OIT3: variants seen among roughly 807,000 people sequenced by gnomAD.
OIT3 encodes the protein oncoprotein induced transcript 3.
OIT3 carries 41 observed loss-of-function variants against 52.2 expected under a neutral mutation model. That is an observed-to-expected ratio of 0.79 (90% CI 0.61 to 1.02). OIT3 has a LOEUF of 1.02. Among genes scored for constraint, OIT3 ranks in the 50% least tolerant of loss-of-function variants. OIT3 has a pLI of 0.00. For missense variants in OIT3, 634 were observed against 715.5 expected (o/e 0.89, Z 1.30); for synonymous variants, 244 against 276.9 (o/e 0.88, Z 1.18).
rs911010551 is a variant in OIT3, at chr10:72,914,867, C to CT, written c.951+1411dup. On this transcript the variant is annotated intron_variant, in intron 6 of 8. Coordinates refer to ENST00000334011, the MANE Select transcript of OIT3 (RefSeq NM_152635.3). ...TGCCCAAGAAGTAGTGTGTAAAACTCTTTTTTTTTTTTAAATTTTGAGATG... is the reference window on the plus strand; with the variant it reads ...TGCCCAAGAAGTAGTGTGTAAAACTCTTTTTTTTTTTTTAAATTTTGAGATG... Among the ~76,000 whole-genome samples the CT allele has an allele frequency of 2.8e-3, 417 of 146,542 alleles. 2 individuals are homozygous for CT. Among genetic ancestry groups the CT allele is most frequent in the East Asian group, 2.4e-3 (12 of 5,064 alleles).
rs766622241 is a variant in OIT3, at chr10:72,932,375, G to A, written c.1489G>A (p.Val497Ile). ...DHKEVFLHCR[V>I]LVCGVLDERS... Reference sequence around the variant, plus strand: ...TCAGGAAGTGTTTCTGCACTGCCGGGTTCTTGTCTGTGGAGTGTTGGACGA... The same window carrying A: ...TCAGGAAGTGTTTCTGCACTGCCGGATTCTTGTCTGTGGAGTGTTGGACGA... Residue 497 changes from valine to isoleucine, a missense_variant, in exon 9 of 9, where the codon GTT becomes ATT. Transcript: ENST00000334011. The A allele has an allele frequency of 6.2e-7, 1 of 1,614,238 alleles. No homozygotes were observed. Among genetic ancestry groups the A allele is most frequent in the Admixed American group, 1.7e-5 (1 of 60,030 alleles).
At chr10:72,917,717 G>T in intron 6 of OIT3, 1 of 1,032,728 alleles carries the variant, frequency 9.7e-7, no homozygotes, top group Non-Finnish European at 1.5e-6. Flanking sequence ...CATAACTGAT[G>T]AACTTGGCTG....
intron 6 of OIT3, among the ~76,000 whole-genome samples, chr10:72,919,878 A>G (rs183508641): frequency 9.8e-5 from 15 of 152,300 alleles, no homozygotes; most frequent in Admixed American, 7.2e-4. Flanking sequence ...TTTTGCATCA[A>G]TGTTCATCAA....
intron 2 of OIT3, 82 bp from the exon 3 acceptor site, chr10:72,900,294 AC>A (rs1271966429): frequency 3.8e-5 from 16 of 420,998 alleles, no homozygotes; most frequent in Admixed American, 6.6e-5. Context: ...ACCCCCCCCG[AC>A]CCCCCGCACC....
At chr10:72,918,294 A>G in intron 6 of OIT3, 1 of 776,390 alleles carries the variant, frequency 1.3e-6, no homozygotes, top group Non-Finnish European at 2.3e-6. Context: ...CTATACAGAC[A>G]TTTTCAAAGT....
chr10:72,917,996 A>G, intron 6 of OIT3: 1 of 807,110 alleles, frequency 1.2e-6, no homozygotes, highest in Admixed American at 1.7e-5. Context: ...TATCATCATT[A>G]TCTTCATCAT....
intron 3 of OIT3, among the ~76,000 whole-genome samples, chr10:72,906,257 G>A (rs1463530015): frequency 6.6e-6 from 1 of 152,116 alleles, no homozygotes; most frequent in Non-Finnish European, 1.5e-5. Context: ...TATTTATTTA[G>A]CAACTTCTCA....
intron 5 of OIT3, among the ~76,000 whole-genome samples, 189 bp downstream of exon 5, chr10:72,912,028 C>T (rs150860643): frequency 1.2e-3 from 190 of 152,208 alleles, no homozygotes; most frequent in Middle Eastern, 3.4e-3. Context: ...GAAAAGATTA[C>T]CAAAAACTTA....
intron 3 of OIT3, among the ~76,000 whole-genome samples, chr10:72,905,627 G>T (rs1043351386): frequency 3.3e-5 from 5 of 152,154 alleles, no homozygotes; most frequent in African/African-American, 4.8e-5. Flanking sequence ...CAATTTCTCA[G>T]CTTCAAGTTT....
chr10:72,927,578 G>C (rs551422680), intron 7 of OIT3, among the ~76,000 whole-genome samples: 22 of 152,178 alleles, frequency 1.4e-4, no homozygotes, highest in Non-Finnish European at 2.9e-4. Context: ...CAGCAGTGTG[G>C]CCCTACTTTG....
rs1396907136 is a variant in OIT3, at chr10:72,911,738, A to G, written c.689A>G (p.Asn230Ser). 1.9e-6 allele frequency: 3 copies of G among 1,613,468 alleles called. No homozygotes were observed. The highest frequency in any genetic ancestry group is 4.5e-5 in the East Asian group (2 of 44,868). ...TCEDVEGCHN[N>S]NGGCSHSCLG... Reference sequence around the variant, plus strand: ...GCAGACGTTGAAGGATGCCACAATAACAATGGTGGCTGCAGCCACTCTTGC... The same window carrying G: ...GCAGACGTTGAAGGATGCCACAATAGCAATGGTGGCTGCAGCCACTCTTGC... The change falls in exon 5 of 9, where the codon AAC becomes AGC. Residue 230 changes from asparagine (N) to serine (S), a missense_variant. Coordinates refer to ENST00000334011, the MANE Select transcript of OIT3 (RefSeq NM_152635.3).
chr10:72,923,990 C>T (rs1426089297), intron 6 of OIT3, among the ~76,000 whole-genome samples: 1 of 152,048 alleles, frequency 6.6e-6, no homozygotes, highest in East Asian at 1.9e-4. Context: ...AGATCAGGGT[C>T]CCACTTAAAG....
intron 4 of OIT3, among the ~76,000 whole-genome samples, chr10:72,908,373 A>C (rs1191981950): frequency 2.6e-5 from 4 of 152,214 alleles, no homozygotes; most frequent in Admixed American, 2.6e-4. Flanking sequence ...AGGATAATTA[A>C]ATTTGTGGAA....
At chr10:72,898,634 G>T (rs775318937) in intron 1 of OIT3, 30 bp from the exon 2 acceptor site, 4 of 1,576,144 alleles carry the variant, frequency 2.5e-6, no homozygotes, top group South Asian at 2.3e-5. Flanking sequence ...AAACACTCCA[G>T]GTACTCTGAG....
At chr10:72,926,111 T>G (rs1846167679) in intron 7 of OIT3, among the ~76,000 whole-genome samples, 1 of 152,198 alleles carries the variant, frequency 6.6e-6, no homozygotes, top group Non-Finnish European at 1.5e-5. Flanking sequence ...TGGGACACAG[T>G]CTCAGGTAGG....
At chr10:72,897,748 G>A (rs906121582) in intron 1 of OIT3, among the ~76,000 whole-genome samples, 1 of 152,158 alleles carries the variant, frequency 6.6e-6, no homozygotes, top group African/African-American at 2.4e-5. Flanking sequence ...CTGTGACACA[G>A]CCTCTCCATG....
At chr10:72,918,400 T>C (rs1846092417) in intron 6 of OIT3, 1 of 781,256 alleles carries the variant, frequency 1.3e-6, no homozygotes, top group Admixed American at 1.7e-5. Context: ...AAACTGACTG[T>C]TTTTAAAGAT....
At chr10:72,919,735 T>C (rs1342878394) in intron 6 of OIT3, among the ~76,000 whole-genome samples, 1 of 152,220 alleles carries the variant, frequency 6.6e-6, no homozygotes. Context: ...GTTTTATTTA[T>C]GTGATGAATC....
At position 72,906,698 on chromosome 10, in the gene OIT3, G is replaced by T; in HGVS notation, c.647G>T (p.Ser216Ile). 1 of 1,598,394 alleles carries T rather than the reference G, an allele frequency of 6.3e-7. No individual in the cohort carries two copies. The highest frequency in any genetic ancestry group is 8.5e-7 in the Non-Finnish European group (1 of 1,172,912). Residue 216 changes from serine to isoleucine, a missense_variant, in exon 4 of 9, where the codon AGT (serine) becomes ATT (isoleucine). Transcript: ENST00000334011. ...CECGVGRVLR[S>I]DGKTCEDVEG... ...TGTGGGGTTGGCCGTGTGCTAAGAA[G>T]TGATGGCAAGACTTGTGAAGGTGAG...
Sources: gnomAD v4.1 joint callset for allele counts (sites outside exome capture counted in the v4.1 genomes callset) on GRCh38, gnomAD v4.1.1 for gene constraint, MANE v1.5 for transcripts, NCBI Gene and HGNC (gene_info 2026-07-23, HGNC 2026-07-21) for gene names.